Variants in HDAC9 observed in about 807,000 individuals in gnomAD.
HDAC9 encodes histone deacetylase 9, also known as MEF-2 interacting transcription repressor (MITR) protein.
A neutral mutation model predicts 139.4 loss-of-function variants in HDAC9; 41 were observed. That is an observed-to-expected ratio of 0.29 (90% CI 0.23 to 0.38). HDAC9 has a LOEUF of 0.38. Among genes scored for constraint, HDAC9 ranks in the 10% least tolerant of loss-of-function variants. The pLI, the probability that HDAC9 is intolerant of heterozygous loss-of-function variation, is 1.00. For missense variants in HDAC9, 1,147 were observed against 1,297.0 expected, an observed-to-expected ratio of 0.88 and a Z score of 1.78; for synonymous variants, 517 against 476.2, an observed-to-expected ratio of 1.09 and a Z score of -1.12.
At chr7:18,845,519 G>A (rs1796847125) in intron 21 of HDAC9, among the ~76,000 whole-genome samples, 1 of 152,120 alleles carries the variant, frequency 6.6e-6, no homozygotes, top group African/African-American at 2.4e-5. Flanking sequence ...TGAACCACGA[G>A]GTTGCCTCCT....
intron 2 of HDAC9, among the ~76,000 whole-genome samples, chr7:18,233,995 A>G (rs1412499216): frequency 6.6e-6 from 1 of 152,174 alleles, no homozygotes; most frequent in African/African-American, 2.4e-5. Flanking sequence ...CATAATCCAA[A>G]CAAACACTGA....
chr7:18,387,519 A>G (rs1313946217), intron 1 of HDAC9, among the ~76,000 whole-genome samples: 1 of 152,110 alleles, frequency 6.6e-6, no homozygotes, highest in East Asian at 1.9e-4. Flanking sequence ...ATGCCATGTC[A>G]CTCCAAAAGT....
At chr7:18,421,943 C>T (rs374448074) in intron 1 of HDAC9, among the ~76,000 whole-genome samples, 2 of 152,142 alleles carry the variant, frequency 1.3e-5, no homozygotes, top group Admixed American at 1.3e-4. Flanking sequence ...GTATATCTTT[C>T]GGGCTTGATC....
At chr7:18,355,762 G>T (rs1783210582) in intron 1 of HDAC9, among the ~76,000 whole-genome samples, 1 of 152,160 alleles carries the variant, frequency 6.6e-6, no homozygotes, top group Admixed American at 6.6e-5. Context: ...ACTGATCAAG[G>T]CAGGACATTT....
intron 12 of HDAC9, among the ~76,000 whole-genome samples, chr7:18,721,200 C>G (rs1055941293): frequency 5.9e-5 from 9 of 152,014 alleles, no homozygotes; most frequent in Non-Finnish European, 1.3e-4. Context: ...AATGAACACT[C>G]ATAACATCCA....
intron 1 of HDAC9, among the ~76,000 whole-genome samples, chr7:18,361,953 T>G (rs1431358341): frequency 1.3e-5 from 2 of 152,190 alleles, no homozygotes; most frequent in Non-Finnish European, 2.9e-5. Context: ...CTCCCCGCCC[T>G]TCTGGAATTT....
chr7:18,859,058 C>T (rs1797897387), intron 21 of HDAC9, among the ~76,000 whole-genome samples: 1 of 152,008 alleles, frequency 6.6e-6, no homozygotes. Context: ...AGTTTGAATC[C>T]CAAGTCAGTC....
At chr7:18,435,792 A>G (rs1009100331) in intron 1 of HDAC9, among the ~76,000 whole-genome samples, 4 of 151,656 alleles carry the variant, frequency 2.6e-5, no homozygotes, top group African/African-American at 9.7e-5. Context: ...GAATATATCT[A>G]TACTTTAGAA....
chr7:18,957,619 TTAA>T (rs1783243131), intron 24 of HDAC9, among the ~76,000 whole-genome samples: 2 of 152,084 alleles, frequency 1.3e-5, no homozygotes, highest in African/African-American at 4.8e-5. Context: ...GTTAAAAAAA[TTAA>T]TAATTTCTGG....
At chr7:18,551,607 C>A (rs1357451665) in intron 2 of HDAC9, among the ~76,000 whole-genome samples, 1 of 152,186 alleles carries the variant, frequency 6.6e-6, no homozygotes, top group African/African-American at 2.4e-5. Flanking sequence ...TCTCTTACCT[C>A]AGTGCAAATG....
chr7:18,563,167 G>A (rs1470005825), intron 2 of HDAC9, among the ~76,000 whole-genome samples: 1 of 152,010 alleles, frequency 6.6e-6, no homozygotes, highest in Non-Finnish European at 1.5e-5. Flanking sequence ...AAATGATGTT[G>A]CCCACTGACT....
chr7:18,275,873 T>C (rs1050903590), intron 2 of HDAC9, among the ~76,000 whole-genome samples: 1 of 152,202 alleles, frequency 6.6e-6, no homozygotes, highest in Admixed American at 6.5e-5. Flanking sequence ...TACCTCTGTT[T>C]AGTGTACACT....
chr7:18,284,786 C>A (rs1441003009), intron 2 of HDAC9, among the ~76,000 whole-genome samples: 1 of 152,058 alleles, frequency 6.6e-6, no homozygotes, highest in African/African-American at 2.4e-5. Context: ...AGATTTCTTT[C>A]TTCTTCATTT....
At position 18,110,061 on chromosome 7, in the gene HDAC9, T is replaced by A. The variant is rs1365451098; in HGVS notation, c.-97+22848T>A. 3.9e-5 allele frequency among the ~76,000 whole-genome samples: 6 copies of A among 152,206 alleles called. No homozygotes were observed. The South Asian group carries it at 1.2e-3, about 31-fold the overall frequency. ...AACATTCCCCAGACAATTCTGAAAGTTGACTTCCAAAAATACTTGGAGTAA... is the reference window on the plus strand; with the variant it reads ...AACATTCCCCAGACAATTCTGAAAGATGACTTCCAAAAATACTTGGAGTAA... On this transcript the variant is annotated intron_variant, in intron 1 of 12. Coordinates refer to the HDAC9 transcript ENST00000417496.
At chr7:18,620,770 T>C (rs531617965) in intron 6 of HDAC9, among the ~76,000 whole-genome samples, 1 of 152,274 alleles carries the variant, frequency 6.6e-6, no homozygotes, top group East Asian at 1.9e-4. Flanking sequence ...GGCCCCGATA[T>C]TGTCTTCCCA....
intron 7 of HDAC9, among the ~76,000 whole-genome samples, 155 bp downstream of exon 7, chr7:18,629,636 A>C (rs775554680): frequency 3.0e-4 from 46 of 152,196 alleles, no homozygotes; most frequent in Admixed American, 3.3e-4. Context: ...AGTTCAATAA[A>C]CCTTGCTATG....
intron 19 of HDAC9, among the ~76,000 whole-genome samples, chr7:18,829,987 C>T (rs1416113925): frequency 2.0e-5 from 3 of 152,214 alleles, no homozygotes; most frequent in South Asian, 4.1e-4. Context: ...TAAAACAAGT[C>T]GGCATGTCAC....
At chr7:18,136,155 T>G (rs1295034104) in intron 1 of HDAC9, among the ~76,000 whole-genome samples, 1,218 of 117,962 alleles carry the variant, frequency 0.01, no homozygotes, top group African/African-American at 0.02. Context: ...GGGTTGTTTG[T>G]TTTTTTCTTG....
chr7:18,677,658 CTGTA>C (rs1781607808), intron 12 of HDAC9, among the ~76,000 whole-genome samples: 1 of 151,860 alleles, frequency 6.6e-6, no homozygotes, highest in African/African-American at 2.4e-5. Context: ...GTTTTTCTAA[CTGTA>C]TGCAGCTAAT....
Sources: gnomAD v4.1 joint callset for allele counts (sites outside exome capture counted in the v4.1 genomes callset) on GRCh38, gnomAD v4.1.1 for gene constraint, MANE v1.5 for transcripts, NCBI Gene and HGNC (gene_info 2026-07-23, HGNC 2026-07-21) for gene names.